The following ZPBP variants were observed in gnomAD, a reference collection of about 807,000 sequenced individuals.
ZPBP encodes zona pellucida binding protein.
ZPBP carries 26 observed loss-of-function variants against 44.8 expected under a neutral mutation model. The observed-to-expected ratio is 0.58, with a 90% CI of 0.43 to 0.81. The LOEUF (loss-of-function observed/expected upper bound fraction) is 0.81, where lower values mean the gene tolerates loss of function less well. ZPBP is among the 30% of genes least tolerant of loss of function. ZPBP has a pLI of 0.00. For missense variants in ZPBP, 409 were observed against 434.0 expected (o/e 0.94, Z 0.51); for synonymous variants, 174 against 153.2 (o/e 1.14, Z -1.00).
intron 2 of ZPBP, 54 bp downstream of exon 2, chr7:50,089,575 T>C (rs1802844060): frequency 2.2e-6 from 3 of 1,339,200 alleles, no homozygotes; most frequent in African/African-American, 1.5e-5. Context: ...GACTGATAAA[T>C]TTAAACAAAT....
chr7:50,091,292 C>G (rs1252265046), intron 1 of ZPBP, among the ~76,000 whole-genome samples: 2 of 152,160 alleles, frequency 1.3e-5, no homozygotes, highest in African/African-American at 4.8e-5. Flanking sequence ...TCTGTTTACT[C>G]TGCTGACTGT....
In ZPBP at chr7:50,060,768, T is replaced by A. The variant is rs958851976; in HGVS notation, c.335-2627A>T. Reference sequence around the variant, plus strand: ...GCTGGTACCAATCCTAGCTAAACTATCCCAAAAAATTGAGGAGGATCGACT... The same window carrying A: ...GCTGGTACCAATCCTAGCTAAACTAACCCAAAAAATTGAGGAGGATCGACT... On this transcript the variant is annotated intron_variant, in intron 3 of 7. Coordinates refer to ENST00000046087, the MANE Select transcript of ZPBP (RefSeq NM_007009.3). 2.6e-5 allele frequency among the ~76,000 whole-genome samples: 4 copies of A among 152,060 alleles called. No homozygotes were observed. In the East Asian group the frequency reaches 7.7e-4, roughly 29 times the overall value.
intron 7 of ZPBP, among the ~76,000 whole-genome samples, chr7:49,959,048 C>A (rs1795731707): frequency 6.6e-6 from 1 of 151,994 alleles, no homozygotes; most frequent in African/African-American, 2.4e-5. Context: ...TCAATCAAAG[C>A]AAATTACTGT....
At chr7:49,852,571 G>T (rs929024216) in intron 2 of ZPBP, among the ~76,000 whole-genome samples, 5 of 151,898 alleles carry the variant, frequency 3.3e-5, no homozygotes, top group Admixed American at 2.0e-4. Context: ...CTATTTAGTG[G>T]TTTTTCCTGT....
chr7:49,926,148 C>T (rs766311223), intron 1 of ZPBP, among the ~76,000 whole-genome samples: 1 of 152,176 alleles, frequency 6.6e-6, no homozygotes, highest in Non-Finnish European at 1.5e-5. Flanking sequence ...TCAATCCTGG[C>T]CAATAGAGAA....
chr7:50,033,439 G>T (rs1799689376), intron 4 of ZPBP, among the ~76,000 whole-genome samples: 1 of 152,054 alleles, frequency 6.6e-6, no homozygotes, highest in Non-Finnish European at 1.5e-5. Context: ...TCTTTACAGG[G>T]TTACTAGCCT....
intron 7 of ZPBP, among the ~76,000 whole-genome samples, chr7:49,938,633 C>G (rs370335594): frequency 3.5e-4 from 54 of 152,316 alleles, no homozygotes; most frequent in African/African-American, 1.2e-3. Flanking sequence ...CCAACCTGTT[C>G]TATTGTGGAT....
At chr7:49,945,975 G>A (rs956605261) in intron 7 of ZPBP, among the ~76,000 whole-genome samples, 2 of 151,654 alleles carry the variant, frequency 1.3e-5, no homozygotes, top group African/African-American at 2.4e-5. Flanking sequence ...GTACATATCC[G>A]TTGTGTTTTT....
intron 2 of ZPBP, among the ~76,000 whole-genome samples, chr7:49,864,669 C>T (rs867869165): frequency 6.6e-6 from 1 of 152,174 alleles, no homozygotes; most frequent in Non-Finnish European, 1.5e-5. Flanking sequence ...AAAACAGAGG[C>T]CTGCATCTTC....
chr7:49,852,854 G>A (rs1324817104), intron 2 of ZPBP, among the ~76,000 whole-genome samples: 2 of 152,206 alleles, frequency 1.3e-5, no homozygotes, highest in African/African-American at 4.8e-5. Flanking sequence ...CTGGCTCCTT[G>A]AACTACAGTT....
intron 2 of ZPBP, among the ~76,000 whole-genome samples, chr7:49,879,395 G>C (rs2128726508): frequency 6.6e-6 from 1 of 152,232 alleles, no homozygotes; most frequent in East Asian, 1.9e-4. Flanking sequence ...AATGATTTGA[G>C]ACTAAAGATG....
chr7:49,847,212 TTATAATATAA>T (rs200959078), downstream of ZPBP, among the ~76,000 whole-genome samples: 10 of 149,010 alleles, frequency 6.7e-5, no homozygotes, highest in Admixed American at 4.0e-4. Context: ...TGTGAACCTA[TTATAATATAA>T]TATAATATAA....
intron 2 of ZPBP, among the ~76,000 whole-genome samples, chr7:49,887,404 T>C (rs558612716): frequency 1.4e-4 from 22 of 152,358 alleles, no homozygotes; most frequent in African/African-American, 5.0e-4. Flanking sequence ...GACAAAGATA[T>C]TGACATCACT....
the ZPBP span, among the ~76,000 whole-genome samples, chr7:49,841,409 T>G: frequency 3.0e-4 from 45 of 151,506 alleles, no homozygotes; most frequent in Non-Finnish European, 5.7e-4. Flanking sequence ...AATTTCATAG[T>G]GGAGGAATTA....
At chr7:50,018,994 C>T (rs887574088) in intron 5 of ZPBP, among the ~76,000 whole-genome samples, 3 of 151,954 alleles carry the variant, frequency 2.0e-5, no homozygotes, top group African/African-American at 7.2e-5. Flanking sequence ...TCCTATTGTA[C>T]TACAAGACTT....
chr7:49,930,869 G>C lies in ZPBP; in HGVS notation n.411+4882C>G, dbSNP rs187159686. On this transcript the variant is annotated intron_variant and non_coding_transcript_variant, in intron 1 of 2. Coordinates refer to the ZPBP transcript ENST00000465922. ...TGGCTTAACCATATGATTTGGTTTG[G>C]CTCTACGTCCCACTTAAATCTCACC... Among the ~76,000 whole-genome samples the C allele has an allele frequency of 1.8e-4, 28 of 152,330 alleles. No individual in the cohort carries two copies. The South Asian group carries it at 2.5e-3, about 14-fold the overall frequency.
chr7:50,064,565 G>C (rs1584152382), intron 3 of ZPBP, among the ~76,000 whole-genome samples: 1 of 152,278 alleles, frequency 6.6e-6, no homozygotes, highest in South Asian at 2.1e-4. Context: ...CCTACCCGCA[G>C]GCACACATTC....
chr7:49,981,769 A>G (rs1278959722), intron 7 of ZPBP, among the ~76,000 whole-genome samples: 2 of 99,550 alleles, frequency 2.0e-5, no homozygotes, highest in South Asian at 5.7e-4. Context: ...AATTTTACAT[A>G]ATTATATGAA....
At chr7:50,030,035 T>C (rs566547550) in intron 5 of ZPBP, among the ~76,000 whole-genome samples, 1 of 152,278 alleles carries the variant, frequency 6.6e-6, no homozygotes, top group East Asian at 1.9e-4. Flanking sequence ...TTTGTATTTT[T>C]AGTAGAGGCA....
Sources: allele counts gnomAD v4.1 joint callset (sites outside exome capture counted in the v4.1 genomes callset), GRCh38; gene constraint gnomAD v4.1.1; transcripts MANE v1.5; gene names NCBI Gene and HGNC (gene_info 2026-07-23, HGNC 2026-07-21).